The following LAT2 variants were observed in gnomAD, a reference collection of about 807,000 sequenced individuals.
The protein encoded by LAT2 is linker for activation of T-cells family member 2.
A neutral mutation model predicts 43.4 loss-of-function variants in LAT2; 23 were observed. The observed-to-expected ratio is 0.53, with a 90% CI of 0.38 to 0.75. The LOEUF is 0.75. LAT2 is among the 30% of genes least tolerant of loss of function. The probability of loss-of-function intolerance (pLI) is 0.00; values close to 1 mark genes in which losing one functional copy is unlikely to be tolerated. For synonymous variants in LAT2, 128 were observed against 123.2 expected (o/e 1.04, Z -0.26); for missense variants, 284 against 310.2 (o/e 0.92, Z 0.64).
At position 74,223,705 on chromosome 7, in the gene LAT2, ACTC is replaced by A. The variant is rs1563975812; in HGVS notation, c.389-15_389-13del. ...AGGGTCTGCCCACACCCCCGTGCCC[ACTC>A]CTCTCTCTCCTGCAGATGATGATGC... On this transcript the variant is annotated splice_polypyrimidine_tract_variant and intron_variant, in intron 10 of 13. Coordinates refer to ENST00000460943, the MANE Select transcript of LAT2 (RefSeq NM_032464.3). The A allele has an allele frequency of 6.2e-7, 1 of 1,607,242 alleles. No individual in the cohort carries two copies. The highest frequency in any genetic ancestry group is 8.5e-7 in the Non-Finnish European group (1 of 1,174,218).
At chr7:74,213,976 T>A (rs1486902291) in intron 1 of LAT2, among the ~76,000 whole-genome samples, 1 of 147,146 alleles carries the variant, frequency 6.8e-6, no homozygotes, top group Non-Finnish European at 1.5e-5. Flanking sequence ...TGAAACGGAG[T>A]CTCACTCTGT....
intron 1 of LAT2, among the ~76,000 whole-genome samples, 193 bp from the exon 2 acceptor site, chr7:74,214,629 T>A (rs372647292): frequency 6.3e-5 from 1 of 15,762 alleles, no homozygotes; most frequent in Non-Finnish European, 9.9e-5. Flanking sequence ...TATGAATATA[T>A]ATATATATAT....
chr7:74,218,913 G>A (rs1380601990), intron 4 of LAT2, among the ~76,000 whole-genome samples: 1 of 149,242 alleles, frequency 6.7e-6, no homozygotes, highest in Non-Finnish European at 1.5e-5. Context: ...GGTCAGGCTG[G>A]TCTTGAACTC....
Position 74,220,801 on chromosome 7 carries a change from A to AC in LAT2, c.332+69dup. The stretch of plus-strand genomic sequence containing the variant: ...CCTGCCCCACCTCTCCCCCTGCCCC[A>AC]CCTCTCCCCCTGCCCCACCTGCCTG... On this transcript the variant is annotated intron_variant, in intron 9 of 13. Coordinates refer to ENST00000460943, the MANE Select transcript of LAT2 (RefSeq NM_032464.3). The surrounding 1 kb of genome is among the most constrained non-coding windows in gnomAD (Gnocchi z 4.5). 1.0e-6 allele frequency: 1 copy of AC among 988,962 alleles called. No homozygotes were observed. Among genetic ancestry groups the AC allele is most frequent in the Non-Finnish European group, 1.3e-6 (1 of 796,714 alleles). The allele number at this position is 988,962 out of a possible 1,614,324, so 61.3% of individuals were successfully genotyped here.
At chr7:74,213,406 C>T (rs1801798924) in intron 1 of LAT2, among the ~76,000 whole-genome samples, 1 of 149,710 alleles carries the variant, frequency 6.7e-6, no homozygotes, top group Non-Finnish European at 1.5e-5. Context: ...CAGGCATGAG[C>T]CACTGTGCCC....
chr7:74,216,010 C>T lies in LAT2; in HGVS notation c.35C>T (p.Ala12Val). The change falls in exon 3 of 14, where the codon GCA (alanine) becomes GTA (valine). Residue 12 changes from alanine to valine, a missense_variant. Ala to Val is a moderately conservative substitution (Grantham distance 64). Transcript: ENST00000460943. Reference sequence around the variant, plus strand: ...GGGACTGAACTGCTGTGGCCCGGAGCAGCGCTGCTGGTGCTGTTGGGGGTG... The same window carrying T: ...GGGACTGAACTGCTGTGGCCCGGAGTAGCGCTGCTGGTGCTGTTGGGGGTG... The part of the protein sequence containing the change: ...SSGTELLWPG[A>V]ALLVLLGVAA... 1 of 1,613,950 alleles carries T rather than the reference C, an allele frequency of 6.2e-7. No homozygotes were observed. Among genetic ancestry groups the T allele is most frequent in the South Asian group, 1.1e-5 (1 of 91,080 alleles).
At chr7:74,212,197 G>A (rs922874459) in intron 1 of LAT2, among the ~76,000 whole-genome samples, 36 of 151,358 alleles carry the variant, frequency 2.4e-4, no homozygotes, top group Middle Eastern at 3.2e-3. Flanking sequence ...CTCCTGTCTC[G>A]GCCTCCCAGT....
At position 74,224,178 on chromosome 7, in the gene LAT2, C is replaced by T. The variant is rs782139966; in HGVS notation, c.609C>T (p.Arg203=). 15 of 1,613,692 alleles carry T rather than the reference C, an allele frequency of 9.3e-6. No individual in the cohort carries two copies. The highest frequency in any genetic ancestry group is 4.0e-5 in the African/African-American group (3 of 74,924). ...YQNSASIHQW[R]ESRKVMGQLQ... is the part of the protein sequence containing the mutation. Reference sequence around the variant, plus strand: ...ACTCAGCATCCATCCATCAGTGGCGCGAGTCCAGGAAGGTCATGGGTAGGT... The same window carrying T: ...ACTCAGCATCCATCCATCAGTGGCGTGAGTCCAGGAAGGTCATGGGTAGGT... The change falls in exon 12 of 14, where the codon CGC becomes CGT. Residue 203 remains arginine, a synonymous_variant. Transcript: ENST00000460943.
Position 74,220,962 on chromosome 7 carries a change from G to A in LAT2, c.332+228G>A, listed in dbSNP as rs532564564. Among the ~76,000 whole-genome samples the A allele has an allele frequency of 2.0e-5, 3 of 152,284 alleles. No individual in the cohort carries two copies. In the South Asian group the frequency reaches 6.2e-4, roughly 32 times the overall value. On this transcript the variant is annotated intron_variant, in intron 9 of 13. Coordinates refer to ENST00000460943, the MANE Select transcript of LAT2 (RefSeq NM_032464.3). This position sits in a 1 kb window ranked among gnomAD's most constrained non-coding sequence, Gnocchi z 4.5. ...AGGTAACCCTGGGTTTGGGGGACTG[G>A]ACTTTGCCCTGCTCTGGGACACAGA...
intron 10 of LAT2, 73 bp from the exon 11 acceptor site, chr7:74,223,647 CAGGA>C: frequency 7.2e-7 from 1 of 1,381,988 alleles, no homozygotes; most frequent in Non-Finnish European, 1.0e-6. Flanking sequence ...AAAGGGAAGG[CAGGA>C]CAGAGCGGGA....
Position 74,220,629 on chromosome 7 carries a change from C to A in LAT2, c.301+10C>A. On this transcript the variant is annotated intron_variant, in intron 8 of 13. Transcript: ENST00000460943. This position sits in a 1 kb window ranked among gnomAD's most constrained non-coding sequence, Gnocchi z 4.5. The stretch of plus-strand genomic sequence containing the variant: ...CAGAACTTCAGCAAAGGTAGGTAGG[C>A]TCCTGGAGAAAGGGGGAGGCCATGG... 1 of 1,614,034 alleles carries A rather than the reference C, an allele frequency of 6.2e-7. No homozygotes were observed. The highest frequency in any genetic ancestry group is 8.5e-7 in the Non-Finnish European group (1 of 1,179,950).
intron 1 of LAT2, among the ~76,000 whole-genome samples, chr7:74,213,243 G>A (rs891221069): frequency 6.7e-6 from 1 of 149,870 alleles, no homozygotes; most frequent in African/African-American, 2.5e-5. Context: ...TCAGCCTCCT[G>A]AGTAGCTGGG....
chr7:74,219,846 T>C, intron 5 of LAT2, 59 bp downstream of exon 5: 1 of 1,612,134 alleles, frequency 6.2e-7, no homozygotes, highest in Non-Finnish European at 8.5e-7. Flanking sequence ...TATCAAGTTA[T>C]CTCGGTCCCC....
chr7:74,226,490 C>CA (rs1245628139), intron 13 of LAT2: 20 of 149,458 alleles, frequency 1.3e-4, no homozygotes, highest in East Asian at 9.9e-4. Flanking sequence ...GACCCCATCT[C>CA]AAAAAAAAAA....
In LAT2 at chr7:74,229,605, T is replaced by C. The variant is rs782085009; in HGVS notation, c.*680T>C. On this transcript the variant is annotated 3_prime_UTR_variant, in exon 14 of 14. Coordinates refer to ENST00000460943, the MANE Select transcript of LAT2 (RefSeq NM_032464.3). ...AAATGTCACTTGCTACAGACAATAGTGCATGAGAGTCTAGAGAAGTAGTGA... is the reference window on the plus strand; with the variant it reads ...AAATGTCACTTGCTACAGACAATAGCGCATGAGAGTCTAGAGAAGTAGTGA... 1 of 152,674 alleles carries C rather than the reference T, an allele frequency of 6.5e-6. No individual in the cohort carries two copies. The highest frequency in any genetic ancestry group is 1.5e-5 in the Non-Finnish European group (1 of 68,074). The allele number at this position is 152,674 out of a possible 1,614,324, so 9.5% of individuals were successfully genotyped here.
intron 1 of LAT2, among the ~76,000 whole-genome samples, chr7:74,214,231 T>A (rs1801875033): frequency 1.1e-5 from 1 of 87,762 alleles, no homozygotes; most frequent in Non-Finnish European, 2.1e-5. Context: ...TATATGAAAA[T>A]ATATATGAAA....
chr7:74,214,680 A>C (rs1801948203), intron 1 of LAT2, 142 bp from the exon 2 acceptor site: 1 of 87,928 alleles, frequency 1.1e-5, no homozygotes. Context: ...ATAAATATAT[A>C]TATGAAAATA....
intron 10 of LAT2, among the ~76,000 whole-genome samples, chr7:74,222,263 T>C (rs868924166): frequency 9.6e-5 from 14 of 145,924 alleles, no homozygotes; most frequent in Non-Finnish European, 1.8e-4. Flanking sequence ...TAGCCAGGCA[T>C]GGTGGCACAT....
rs144269935 is a variant in LAT2 at position 74,216,847 on chromosome 7, C to G, written c.117C>G (p.Ile39Met). 0.017 allele frequency: 27,968 copies of G among 1,613,502 alleles called. 295 individuals are homozygous for G. Among genetic ancestry groups the G allele is most frequent in the Non-Finnish European group, 0.021 (24,688 of 1,179,478 alleles). Reference sequence around the variant, plus strand: ...CAGGTGCAAAGAGGTCAGAGAAAATCTACCAGCAGAGAAGTCTGTGAGTTG... The same window carrying G: ...CAGGTGCAAAGAGGTCAGAGAAAATGTACCAGCAGAGAAGTCTGTGAGTTG... ...SRPGAKRSEKIYQQRSLREDQ... is the reference protein window; with the variant it reads ...SRPGAKRSEKMYQQRSLREDQ... Residue 39 changes from isoleucine (I) to methionine (M), a missense_variant, in exon 4 of 14, where the codon ATC becomes ATG. By Grantham distance (10) the Ile-to-Met change is conservative (BLOSUM62 1). Transcript: ENST00000460943.
Sources: allele counts gnomAD v4.1 joint callset (sites outside exome capture counted in the v4.1 genomes callset), GRCh38; gene constraint gnomAD v4.1.1; non-coding constraint Gnocchi (gnomAD v3.1); transcripts MANE v1.5; gene names NCBI Gene and HGNC (gene_info 2026-07-23, HGNC 2026-07-21).